Variants in CIMIP6 observed in about 807,000 individuals in gnomAD.
CIMIP6 encodes uncharacterized protein C2orf73.
the CIMIP6 span, chr2:54,361,151 A>T: frequency 2.6e-5 from 4 of 152,272 alleles, no homozygotes; most frequent in African/African-American, 9.6e-5. Context: ...TCTAAAACTT[A>T]GAACTCCTCC....
chr2:54,378,807 C>T, the CIMIP6 span, among the ~76,000 whole-genome samples: 1 of 152,338 alleles, frequency 6.6e-6, no homozygotes, highest in East Asian at 1.9e-4. Flanking sequence ...AAATAAGCCT[C>T]TTTGGACCCG....
chr2:54,372,046 C>T, the CIMIP6 span, among the ~76,000 whole-genome samples: 4 of 152,174 alleles, frequency 2.6e-5, no homozygotes, highest in Non-Finnish European at 4.4e-5. Flanking sequence ...TGGAACTATT[C>T]TATGAACTGT....
the CIMIP6 span, chr2:54,334,801 T>C: frequency 6.7e-7 from 1 of 1,492,052 alleles, no homozygotes; most frequent in South Asian, 1.2e-5. Context: ...AATGGTTTAC[T>C]ATTTATGTTT....
At chr2:54,336,813 G>A in the CIMIP6 span, among the ~76,000 whole-genome samples, 421 of 152,232 alleles carry the variant, frequency 2.8e-3, 1 homozygote, top group Non-Finnish European at 4.9e-3. Context: ...GAGAGTGAGG[G>A]AGTGAGCATG....
chr2:54,365,056 G>A, the CIMIP6 span, among the ~76,000 whole-genome samples: 4 of 152,170 alleles, frequency 2.6e-5, no homozygotes, highest in African/African-American at 9.7e-5. Context: ...GAAGCCCCAG[G>A]TGCAGTGGAG....
At chr2:54,365,093 C>G in the CIMIP6 span, among the ~76,000 whole-genome samples, 4 of 152,074 alleles carry the variant, frequency 2.6e-5, no homozygotes, top group African/African-American at 9.7e-5. Context: ...AGCCAGGATC[C>G]TAGAAGAGCT....
the CIMIP6 span, among the ~76,000 whole-genome samples, chr2:54,363,832 A>G: frequency 6.6e-6 from 1 of 152,180 alleles, no homozygotes; most frequent in Non-Finnish European, 1.5e-5. Context: ...TACTTTAACC[A>G]TTAGGAAATA....
the CIMIP6 span, among the ~76,000 whole-genome samples, chr2:54,331,562 C>T: frequency 1.3e-5 from 2 of 152,228 alleles, no homozygotes; most frequent in African/African-American, 2.4e-5. Context: ...TTTCTTGCCT[C>T]CCTCTGACAG....
the CIMIP6 span, chr2:54,359,012 T>C: frequency 6.4e-7 from 1 of 1,556,958 alleles, no homozygotes; most frequent in Non-Finnish European, 8.7e-7. Context: ...TTTTATAGAA[T>C]ACATCTCTTT....
the CIMIP6 span, among the ~76,000 whole-genome samples, chr2:54,354,040 T>C: frequency 6.6e-6 from 1 of 152,192 alleles, no homozygotes; most frequent in Non-Finnish European, 1.5e-5. Context: ...CACTATTAAG[T>C]AGGGAATCAA....
the CIMIP6 span, among the ~76,000 whole-genome samples, chr2:54,346,517 G>A: frequency 6.6e-6 from 1 of 152,116 alleles, no homozygotes; most frequent in African/African-American, 2.4e-5. Flanking sequence ...GGAATAGAAT[G>A]TTTCATTTCC....
the CIMIP6 span, chr2:54,360,200 CAG>C: frequency 2.4e-3 from 3,703 of 1,551,450 alleles, 72 homozygotes; most frequent in African/African-American, 0.046. Flanking sequence ...TTTTCTTTTC[CAG>C]AGACACGGAG....
the CIMIP6 span, chr2:54,381,943 G>A: frequency 2.6e-6 from 4 of 1,549,606 alleles, no homozygotes; most frequent in Non-Finnish European, 3.5e-6. Context: ...GTTTTTTTAG[G>A]TGGTTTCATG....
At chr2:54,377,691 A>G in the CIMIP6 span, among the ~76,000 whole-genome samples, 1 of 152,112 alleles carries the variant, frequency 6.6e-6, no homozygotes, top group Non-Finnish European at 1.5e-5. Flanking sequence ...GTCCATAGGT[A>G]TGTTTGTGTG....
At chr2:54,375,885 G>GGT in the CIMIP6 span, among the ~76,000 whole-genome samples, 125 of 150,236 alleles carry the variant, frequency 8.3e-4, no homozygotes, top group Admixed American at 2.8e-3. Flanking sequence ...TCATATAGGG[G>GGT]GTGTGTGTGT....
the CIMIP6 span, chr2:54,360,684 G>A: frequency 1.8e-5 from 19 of 1,034,238 alleles, no homozygotes; most frequent in South Asian, 1.2e-4. Flanking sequence ...TTATGTAAAT[G>A]GAAAAAGAGA....
the CIMIP6 span, chr2:54,358,969 C>T: frequency 2.0e-5 from 31 of 1,527,384 alleles, no homozygotes; most frequent in Middle Eastern, 3.4e-4. Flanking sequence ...TACCACTTGC[C>T]TCTCCTGGTA....
the CIMIP6 span, among the ~76,000 whole-genome samples, chr2:54,367,043 T>C: frequency 6.6e-6 from 1 of 152,076 alleles, no homozygotes; most frequent in South Asian, 2.1e-4. Context: ...AATTGGGATT[T>C]AAGCCCAGGC....
the CIMIP6 span, among the ~76,000 whole-genome samples, chr2:54,375,876 C>A: frequency 8.8e-6 from 1 of 114,146 alleles, no homozygotes; most frequent in Non-Finnish European, 1.7e-5. Flanking sequence ...ATTTTCAAAT[C>A]ATATAGGGGG....
Sources: gnomAD v4.1 joint callset for allele counts (sites outside exome capture counted in the v4.1 genomes callset) on GRCh38, gnomAD v4.1.1 for gene constraint, MANE v1.5 for transcripts, NCBI Gene and HGNC (gene_info 2026-07-23, HGNC 2026-07-21) for gene names.